Variants in ADCY2 observed in about 807,000 individuals in gnomAD.
ADCY2 encodes adenylate cyclase 2.
Under a neutral mutation model 125.2 loss-of-function variants are expected in ADCY2, and 31 were observed. The ratio of observed to expected loss-of-function variants is 0.25; its 90% confidence interval spans 0.19 to 0.33. The LOEUF (loss-of-function observed/expected upper bound fraction) is 0.33. ADCY2 is among the 10% of genes least tolerant of loss of function. The pLI is 1.00. For synonymous variants in ADCY2, 512 were observed against 548.4 expected, an observed-to-expected ratio of 0.93 and a Z score of 0.93; for missense variants, 904 against 1,418.2, an observed-to-expected ratio of 0.64 and a Z score of 5.82.
chr5:7,624,451 A>C (rs1475861769), intron 3 of ADCY2, among the ~76,000 whole-genome samples: 1 of 152,186 alleles, frequency 6.6e-6, no homozygotes, highest in Non-Finnish European at 1.5e-5. Context: ...GTGGCCCACT[A>C]GGTCCACTGC....
intron 3 of ADCY2, among the ~76,000 whole-genome samples, chr5:7,560,589 A>C (rs1427277689): frequency 6.6e-6 from 1 of 151,870 alleles, no homozygotes; most frequent in East Asian, 1.9e-4. Flanking sequence ...TATTTTTTTG[A>C]AATTTGTGGT....
intron 4 of ADCY2, among the ~76,000 whole-genome samples, chr5:7,682,801 C>G (rs1270637210): frequency 1.3e-5 from 2 of 152,168 alleles, no homozygotes; most frequent in African/African-American, 2.4e-5. Flanking sequence ...ATCCCCATTA[C>G]TTTTGCATCC....
At chr5:7,411,391 A>G (rs1579415628) in intron 1 of ADCY2, among the ~76,000 whole-genome samples, 1 of 152,196 alleles carries the variant, frequency 6.6e-6, no homozygotes, top group South Asian at 2.1e-4. Context: ...GGGCAGGCAC[A>G]CCACCAGCCA....
chr5:7,674,153 AC>A (rs1176700522), intron 4 of ADCY2, among the ~76,000 whole-genome samples: 1 of 151,368 alleles, frequency 6.6e-6, no homozygotes, highest in Non-Finnish European at 1.5e-5. Context: ...CCACGGCATC[AC>A]TCCTTGCACT....
At chr5:7,796,067 A>G (rs978009930) in intron 20 of ADCY2, 2 of 152,160 alleles carry the variant, frequency 1.3e-5, no homozygotes, top group Non-Finnish European at 2.9e-5. Context: ...TCTACCTATA[A>G]GCCAAAAAAA....
At chr5:7,722,253 G>A (rs1741785556) in intron 12 of ADCY2, among the ~76,000 whole-genome samples, 1 of 152,140 alleles carries the variant, frequency 6.6e-6, no homozygotes, top group Non-Finnish European at 1.5e-5. Context: ...CCGTCCACCT[G>A]TAGGTCACAG....
intron 14 of ADCY2, among the ~76,000 whole-genome samples, chr5:7,739,749 ACT>A (rs1037063949): frequency 2.6e-5 from 4 of 151,934 alleles, no homozygotes; most frequent in African/African-American, 9.6e-5. Flanking sequence ...CTCACTACAG[ACT>A]CTGTAGATAT....
chr5:7,524,310 G>T (rs990058993), intron 3 of ADCY2, among the ~76,000 whole-genome samples: 6 of 152,128 alleles, frequency 3.9e-5, no homozygotes, highest in African/African-American at 1.2e-4. Flanking sequence ...CCATTTAGAG[G>T]TAAGTTGCCA....
intron 4 of ADCY2, among the ~76,000 whole-genome samples, chr5:7,664,039 T>G (rs1417654593): frequency 6.6e-6 from 1 of 152,218 alleles, no homozygotes; most frequent in East Asian, 1.9e-4. Flanking sequence ...GAGCTCAAGC[T>G]GGAAGCTTCC....
At chr5:7,607,564 C>A (rs1003644693) in intron 3 of ADCY2, among the ~76,000 whole-genome samples, 2 of 152,190 alleles carry the variant, frequency 1.3e-5, no homozygotes, top group African/African-American at 4.8e-5. Context: ...AGTAAAGCAC[C>A]TTGGTGGAGC....
At chr5:7,647,168 C>T (rs955045570) in intron 4 of ADCY2, among the ~76,000 whole-genome samples, 1 of 152,196 alleles carries the variant, frequency 6.6e-6, no homozygotes, top group South Asian at 2.1e-4. Flanking sequence ...CCTTTCAGCT[C>T]TGCCTGATAT....
chr5:7,535,508 T>C (rs1734785624), intron 3 of ADCY2, among the ~76,000 whole-genome samples: 1 of 152,158 alleles, frequency 6.6e-6, no homozygotes, highest in Non-Finnish European at 1.5e-5. Context: ...GCATTCACCA[T>C]CTCCAAGCAT....
intron 3 of ADCY2, among the ~76,000 whole-genome samples, chr5:7,601,269 A>G (rs1273479303): frequency 6.6e-6 from 1 of 152,174 alleles, no homozygotes; most frequent in Non-Finnish European, 1.5e-5. Flanking sequence ...CCAATTTAAT[A>G]TTAAGTTATT....
chr5:7,767,906 C>CTTTTTTTT (rs1743439549), intron 17 of ADCY2, among the ~76,000 whole-genome samples: 1 of 152,118 alleles, frequency 6.6e-6, no homozygotes, highest in Non-Finnish European at 1.5e-5. Flanking sequence ...TGGCAGGTGC[C>CTTTTTTTT]TATAGTCCCA....
Position 7,757,354 on chromosome 5 carries a change from T to C in ADCY2, c.1957-95T>C, listed in dbSNP as rs528175420. 1.8e-4 allele frequency: 270 copies of C among 1,470,834 alleles called. 1 individual carries two copies. In the South Asian group the frequency reaches 3.3e-3, roughly 18 times the overall value. The allele number at this position is 1,470,834 out of a possible 1,614,324, so 91.1% of individuals were successfully genotyped here. On this transcript the variant is annotated intron_variant, in intron 15 of 24. Coordinates refer to ENST00000338316, the MANE Select transcript of ADCY2 (RefSeq NM_020546.3). ...CTACATGTTTAGTCTATGAACAATG[T>C]TGGTGCTTCTTGTGGTTGTAAACAT...
chr5:7,619,401 A>G (rs1424924336), intron 3 of ADCY2, among the ~76,000 whole-genome samples: 1 of 152,146 alleles, frequency 6.6e-6, no homozygotes, highest in Admixed American at 6.5e-5. Context: ...ATGAAAAGGA[A>G]ACATCTGCCC....
At chr5:7,443,918 G>T (rs370316603) in intron 2 of ADCY2, among the ~76,000 whole-genome samples, 5 of 151,908 alleles carry the variant, frequency 3.3e-5, no homozygotes, top group East Asian at 3.9e-4. Flanking sequence ...TAAATTTTCA[G>T]CAGTTTTCAT....
intron 4 of ADCY2, among the ~76,000 whole-genome samples, chr5:7,636,485 C>T (rs559784570): frequency 6.6e-6 from 1 of 152,226 alleles, no homozygotes; most frequent in South Asian, 2.1e-4. Flanking sequence ...TCCAGCTGTC[C>T]TACAGGGAGG....
At chr5:7,643,324 G>A (rs551339677) in intron 4 of ADCY2, among the ~76,000 whole-genome samples, 3 of 151,934 alleles carry the variant, frequency 2.0e-5, no homozygotes, top group East Asian at 1.9e-4. Flanking sequence ...CTGTTGGGAC[G>A]TACATTTATC....
Sources: allele counts gnomAD v4.1 joint callset (sites outside exome capture counted in the v4.1 genomes callset), GRCh38; gene constraint gnomAD v4.1.1; transcripts MANE v1.5; gene names NCBI Gene and HGNC (gene_info 2026-07-23, HGNC 2026-07-21).